Variants in PGM5 observed in about 807,000 individuals in gnomAD.
PGM5 encodes phosphoglucomutase-like protein 5.
In PGM5, 23 loss-of-function variants were observed where a neutral mutation model predicts 59.2. The ratio of observed to expected loss-of-function variants is 0.39; its 90% CI spans 0.28 to 0.55. The LOEUF is 0.55. Among genes scored for constraint, PGM5 ranks in the 20% least tolerant of loss-of-function variants. PGM5 has a pLI of 0.66. For synonymous variants in PGM5, 214 were observed against 286.0 expected (o/e 0.75, Z 2.54); for missense variants, 574 against 748.3 (o/e 0.77, Z 2.72).
At chr9:68,419,448 G>A (rs1823091252) in intron 6 of PGM5, among the ~76,000 whole-genome samples, 1 of 152,172 alleles carries the variant, frequency 6.6e-6, no homozygotes. Flanking sequence ...AGGGCATCCT[G>A]GTTGGGAGGA....
At chr9:68,503,118 A>C (rs1392717543) in intron 10 of PGM5, among the ~76,000 whole-genome samples, 1 of 152,200 alleles carries the variant, frequency 6.6e-6, no homozygotes, top group Non-Finnish European at 1.5e-5. Context: ...TGTTCTTAAT[A>C]AGACTTTGTA....
At chr9:68,449,223 G>T (rs115598189) in intron 6 of PGM5, among the ~76,000 whole-genome samples, 1,940 of 152,156 alleles carry the variant, frequency 0.013, 41 homozygotes, top group African/African-American at 0.044. Context: ...ATCACGTTGG[G>T]GGTTAAGATT....
chr9:68,495,360 T>C (rs1824466550), intron 9 of PGM5, among the ~76,000 whole-genome samples: 1 of 152,228 alleles, frequency 6.6e-6, no homozygotes. Flanking sequence ...CCACTTGGGC[T>C]GAACCTCAAA....
intron 7 of PGM5, among the ~76,000 whole-genome samples, chr9:68,469,223 AC>A (rs1587820343): frequency 6.6e-6 from 1 of 152,210 alleles, no homozygotes; most frequent in East Asian, 1.9e-4. Flanking sequence ...GGCCACTATT[AC>A]TTTTTACTAT....
intron 6 of PGM5, among the ~76,000 whole-genome samples, chr9:68,456,314 G>T (rs190939460): frequency 1.8e-4 from 27 of 149,590 alleles, no homozygotes; most frequent in African/African-American, 2.5e-4. Context: ...TTTTGGGGGT[G>T]GGGGGGTGGC....
intron 4 of PGM5, among the ~76,000 whole-genome samples, chr9:68,387,872 G>A (rs1554679039): frequency 1.3e-5 from 2 of 151,944 alleles, no homozygotes; most frequent in South Asian, 2.1e-4. Context: ...AGTTTAAACA[G>A]TCAAATAAAT....
chr9:68,403,574 CACT>C (rs1822723724), intron 6 of PGM5, among the ~76,000 whole-genome samples: 1 of 152,048 alleles, frequency 6.6e-6, no homozygotes, highest in Admixed American at 6.6e-5. Flanking sequence ...TTGAGGCAGG[CACT>C]ATTATTGACA....
intron 7 of PGM5, chr9:68,466,197 C>A: frequency 7.7e-7 from 1 of 1,294,900 alleles, no homozygotes. Context: ...TTTAAGTTCA[C>A]TGATTCTTTC....
chr9:68,406,670 A>G (rs1417145166), intron 6 of PGM5, among the ~76,000 whole-genome samples: 1 of 7,600 alleles, frequency 1.3e-4, no homozygotes, highest in Non-Finnish European at 2.1e-4. Context: ...GTATATATAT[A>G]TATATATGTA....
intron 6 of PGM5, among the ~76,000 whole-genome samples, chr9:68,452,898 G>A (rs1424146768): frequency 6.6e-6 from 1 of 152,170 alleles, no homozygotes; most frequent in Non-Finnish European, 1.5e-5. Flanking sequence ...ATCTTGCTGG[G>A]AATCCTTGAT....
chr9:68,433,652 G>C (rs117835941), intron 6 of PGM5, among the ~76,000 whole-genome samples: 1 of 152,186 alleles, frequency 6.6e-6, no homozygotes, highest in African/African-American at 2.4e-5. Context: ...ATGTTCCCCA[G>C]TACTGGGACA....
Position 68,384,475 on chromosome 9 carries a change from C to T in PGM5, c.502C>T (p.Leu168Phe). The T allele has an allele frequency of 2.5e-6, 4 of 1,608,386 alleles. No individual in the cohort carries two copies. Among genetic ancestry groups the T allele is most frequent in the Non-Finnish European group, 3.4e-6 (4 of 1,175,256 alleles). ...TGAGGAATATGCTATATGTCCTGAT[C>T]TCCGAATCGACCTATCTCGACTAGG... The part of the protein sequence containing the change: ...TIEEYAICPD[L>F]RIDLSRLGRQ... Residue 168 changes from leucine (L) to phenylalanine (F), a missense_variant, in exon 3 of 11, where the codon CTC (leucine) becomes TTC (phenylalanine). This residue lies in a region of PGM5 where 103 missense variants were observed against 112.4 expected (regional missense o/e 0.92). Coordinates refer to ENST00000396396, the MANE Select transcript of PGM5 (RefSeq NM_021965.4).
At chr9:68,477,264 C>G (rs1824123128) in intron 7 of PGM5, among the ~76,000 whole-genome samples, 1 of 152,328 alleles carries the variant, frequency 6.6e-6, no homozygotes, top group East Asian at 1.9e-4. Context: ...AACTAAAAAC[C>G]TGACCCTTTT....
At chr9:68,390,063 A>T (rs1190826704) in intron 4 of PGM5, among the ~76,000 whole-genome samples, 1 of 151,978 alleles carries the variant, frequency 6.6e-6, no homozygotes, top group Non-Finnish European at 1.5e-5. Context: ...TCTCAAATAC[A>T]TTCCTCAAAA....
At chr9:68,390,063 A>G (rs1190826704) in intron 4 of PGM5, among the ~76,000 whole-genome samples, 27 of 151,978 alleles carry the variant, frequency 1.8e-4, no homozygotes, top group African/African-American at 6.3e-4. Flanking sequence ...TCTCAAATAC[A>G]TTCCTCAAAA....
chr9:68,451,038 C>T (rs1823688662), intron 6 of PGM5, among the ~76,000 whole-genome samples: 1 of 152,180 alleles, frequency 6.6e-6, no homozygotes, highest in African/African-American at 2.4e-5. Context: ...CTGAGTTAAA[C>T]TATCCTTCTG....
At chr9:68,512,877 A>C (rs1474523815) in intron 10 of PGM5, among the ~76,000 whole-genome samples, 1 of 152,242 alleles carries the variant, frequency 6.6e-6, no homozygotes, top group Non-Finnish European at 1.5e-5. Flanking sequence ...GAATTAGTGA[A>C]GCTATATTCC....
chr9:68,471,634 G>A (rs1331874581), intron 7 of PGM5, among the ~76,000 whole-genome samples: 30 of 147,732 alleles, frequency 2.0e-4, no homozygotes, highest in African/African-American at 6.9e-4. Context: ...AAAAAAAAAA[G>A]AGAGACTCGG....
intron 1 of PGM5, among the ~76,000 whole-genome samples, chr9:68,362,717 CCT>C (rs1834599182): frequency 6.6e-6 from 1 of 152,028 alleles, no homozygotes; most frequent in African/African-American, 2.4e-5. Context: ...TACAGGAATG[CCT>C]TTGTCCTTTT....
Sources: gnomAD v4.1 joint callset for allele counts (sites outside exome capture counted in the v4.1 genomes callset) on GRCh38, gnomAD v4.1.1 for gene constraint, gnomAD v4.1.1 regional missense constraint, MANE v1.5 for transcripts, NCBI Gene and HGNC (gene_info 2026-07-23, HGNC 2026-07-21) for gene names.